Variants in DPP10 observed in about 807,000 individuals in gnomAD.
DPP10 encodes the protein inactive dipeptidyl peptidase 10.
DPP10 carries 33 observed loss-of-function variants against 120.9 expected under a neutral mutation model. That is an observed-to-expected ratio of 0.27 (90% confidence interval 0.21 to 0.37). DPP10 has a LOEUF of 0.37. DPP10 is among the 10% of genes least tolerant of loss of function. The pLI is 1.00. For synonymous variants in DPP10, 337 were observed against 326.1 expected (o/e 1.03, Z -0.36); for missense variants, 816 against 942.8 (o/e 0.87, Z 1.76).
intron 3 of DPP10, among the ~76,000 whole-genome samples, chr2:115,445,587 C>T (rs1243820163): frequency 1.3e-5 from 2 of 152,214 alleles, no homozygotes; most frequent in Admixed American, 6.5e-5. Context: ...TGTCCCTGCC[C>T]TAGAGATCTG....
intron 1 of DPP10, among the ~76,000 whole-genome samples, chr2:114,667,710 A>C (rs975628152): frequency 2.0e-5 from 3 of 152,186 alleles, no homozygotes; most frequent in Non-Finnish European, 4.4e-5. Context: ...AGAGGGGATA[A>C]GACTTCAGAA....
At chr2:114,964,297 A>G (rs954109472) in intron 1 of DPP10, among the ~76,000 whole-genome samples, 21 of 152,148 alleles carry the variant, frequency 1.4e-4, no homozygotes, top group African/African-American at 5.1e-4. Flanking sequence ...AGCATCTAGC[A>G]TGTACCAGAC....
chr2:115,191,792 C>A (rs372945607), intron 1 of DPP10, among the ~76,000 whole-genome samples: 1 of 152,078 alleles, frequency 6.6e-6, no homozygotes, highest in African/African-American at 2.4e-5. Flanking sequence ...GGACGTGGTC[C>A]CCAGGCTGGT....
At chr2:114,869,898 T>C (rs1690551354) in intron 1 of DPP10, among the ~76,000 whole-genome samples, 1 of 152,168 alleles carries the variant, frequency 6.6e-6, no homozygotes, top group Non-Finnish European at 1.5e-5. Context: ...TGTATGGACT[T>C]GGGCAACTTA....
chr2:114,656,652 T>C (rs1424114207), intron 1 of DPP10, among the ~76,000 whole-genome samples: 1 of 152,170 alleles, frequency 6.6e-6, no homozygotes, highest in African/African-American at 2.4e-5. Context: ...ATGTAGCAAA[T>C]AGGACAAAAC....
At chr2:114,774,488 A>T (rs1574156313) in intron 1 of DPP10, among the ~76,000 whole-genome samples, 1 of 151,688 alleles carries the variant, frequency 6.6e-6, no homozygotes, top group Non-Finnish European at 1.5e-5. Flanking sequence ...GTTACAGTCA[A>T]ATAATTTTAT....
At position 115,338,439 on chromosome 2, in the gene DPP10, T is replaced by A. The variant is rs1574481225; in HGVS notation, c.176-5378T>A. On this transcript the variant is annotated intron_variant, in intron 2 of 25. Coordinates refer to ENST00000410059, the MANE Select transcript of DPP10 (RefSeq NM_020868.6). ...ACACTATGATCATTCAACATTTTTTTAAAATAAATTAATTTTTTTTAGTTT... is the reference window on the plus strand; with the variant it reads ...ACACTATGATCATTCAACATTTTTTAAAAATAAATTAATTTTTTTTAGTTT... Among the ~76,000 whole-genome samples the A allele has an allele frequency of 5.9e-5, 9 of 152,238 alleles. 1 individual carries two copies. The South Asian group carries it at 8.3e-4, about 14-fold the overall frequency.
At chr2:115,072,731 G>A (rs187017351) in intron 1 of DPP10, among the ~76,000 whole-genome samples, 1 of 152,178 alleles carries the variant, frequency 6.6e-6, no homozygotes, top group Admixed American at 6.5e-5. Flanking sequence ...TAAGAGAGAA[G>A]GGTGCAGGGA....
chr2:115,385,031 G>A (rs2066813564), intron 3 of DPP10, among the ~76,000 whole-genome samples: 1 of 152,174 alleles, frequency 6.6e-6, no homozygotes, highest in African/African-American at 2.4e-5. Flanking sequence ...CTGCCACCAT[G>A]TAAGAAGTGC....
chr2:115,383,547 A>G (rs1376066931), intron 3 of DPP10, among the ~76,000 whole-genome samples: 2 of 152,184 alleles, frequency 1.3e-5, no homozygotes, highest in African/African-American at 2.4e-5. Context: ...TCTTTTGCAT[A>G]AATTAGTTTT....
intron 2 of DPP10, among the ~76,000 whole-genome samples, chr2:115,318,379 AAT>A (rs2061900476): frequency 6.6e-6 from 1 of 152,080 alleles, no homozygotes; most frequent in African/African-American, 2.4e-5. Flanking sequence ...ACACTTTAAA[AAT>A]ATATATATTG....
At chr2:115,007,860 C>G (rs1171398256) in intron 1 of DPP10, among the ~76,000 whole-genome samples, 1 of 150,190 alleles carries the variant, frequency 6.7e-6, no homozygotes, top group East Asian at 2.0e-4. Flanking sequence ...CCTAGGAATC[C>G]AGCTTACAAG....
chr2:115,401,070 G>A (rs1021460262), intron 3 of DPP10, among the ~76,000 whole-genome samples: 1 of 152,194 alleles, frequency 6.6e-6, no homozygotes, highest in Non-Finnish European at 1.5e-5. Flanking sequence ...AAATGAGCGA[G>A]CCATAGAAGG....
intron 1 of DPP10, among the ~76,000 whole-genome samples, chr2:114,979,872 A>T (rs1230287845): frequency 1.3e-5 from 2 of 152,106 alleles, no homozygotes; most frequent in East Asian, 3.9e-4. Flanking sequence ...TACATGGGCC[A>T]CAATCAAGCA....
intron 1 of DPP10, among the ~76,000 whole-genome samples, chr2:115,052,573 GA>G (rs1189702169): frequency 6.6e-6 from 1 of 152,172 alleles, no homozygotes; most frequent in Non-Finnish European, 1.5e-5. Flanking sequence ...CACTTGAAAA[GA>G]TGCTCAGCAT....
chr2:115,835,194 T>C (rs1322950882), intron 21 of DPP10, among the ~76,000 whole-genome samples: 2 of 151,684 alleles, frequency 1.3e-5, no homozygotes, highest in East Asian at 3.9e-4. Context: ...ACCTCCTTTG[T>C]ACATGGGATA....
At chr2:115,445,959 C>T (rs1025272437) in intron 3 of DPP10, among the ~76,000 whole-genome samples, 2 of 151,804 alleles carry the variant, frequency 1.3e-5, no homozygotes, top group African/African-American at 4.8e-5. Flanking sequence ...GTCCTGCGGC[C>T]CAGCTGCGGG....
intron 1 of DPP10, among the ~76,000 whole-genome samples, chr2:114,657,164 G>C (rs1055812095): frequency 6.6e-6 from 1 of 152,034 alleles, no homozygotes; most frequent in Admixed American, 6.6e-5. Context: ...TATCTTTTAA[G>C]ATCCAAAAGA....
At chr2:114,900,806 G>A (rs767866552) in intron 1 of DPP10, among the ~76,000 whole-genome samples, 1 of 152,038 alleles carries the variant, frequency 6.6e-6, no homozygotes, top group Non-Finnish European at 1.5e-5. Context: ...TACTATCTAT[G>A]TAATCTTCTT....
Sources: gnomAD v4.1 joint callset for allele counts (sites outside exome capture counted in the v4.1 genomes callset) on GRCh38, gnomAD v4.1.1 for gene constraint, MANE v1.5 for transcripts, NCBI Gene and HGNC (gene_info 2026-07-23, HGNC 2026-07-21) for gene names.